The following RPS6KC1 variants were observed in gnomAD, a reference collection of about 807,000 sequenced individuals.
RPS6KC1 encodes the protein inactive ribosomal protein S6 kinase delta-1.
Under a neutral mutation model 103.8 loss-of-function variants are expected in RPS6KC1, and 54 were observed. The ratio of observed to expected loss-of-function variants is 0.52; its 90% CI spans 0.42 to 0.65. The LOEUF is 0.65. Ranked by LOEUF, RPS6KC1 falls within the 30% of genes least tolerant of loss-of-function variation. The pLI, the probability that RPS6KC1 is intolerant of heterozygous loss-of-function variation, is 0.00. For synonymous variants in RPS6KC1, 439 were observed against 438.7 expected, an observed-to-expected ratio of 1.00 and a Z score of -0.01; for missense variants, 1,151 against 1,253.8, an observed-to-expected ratio of 0.92 and a Z score of 1.24.
chr1:213,433,332 C>G, the RPS6KC1 span, among the ~76,000 whole-genome samples: 2 of 152,222 alleles, frequency 1.3e-5, no homozygotes, highest in Non-Finnish European at 2.9e-5. Context: ...GGATAATTTT[C>G]TCACATCAAA....
chr1:213,522,581 T>G, the RPS6KC1 span, among the ~76,000 whole-genome samples: 1 of 152,258 alleles, frequency 6.6e-6, no homozygotes, highest in African/African-American at 2.4e-5. Flanking sequence ...TTATATACAT[T>G]GAAAATCTTT....
chr1:213,182,817 AAGTG>A (rs1199306164), intron 8 of RPS6KC1, among the ~76,000 whole-genome samples: 3 of 148,254 alleles, frequency 2.0e-5, no homozygotes, highest in South Asian at 2.1e-4. Context: ...CACATGTTTG[AAGTG>A]AGTTTCTTAT....
At chr1:213,222,199 C>G (rs1267411544) in intron 8 of RPS6KC1, among the ~76,000 whole-genome samples, 1 of 152,118 alleles carries the variant, frequency 6.6e-6, no homozygotes, top group Non-Finnish European at 1.5e-5. Flanking sequence ...TCATGATAAT[C>G]TGCTATGTGG....
chr1:213,125,140 A>G (rs187215932), intron 5 of RPS6KC1, among the ~76,000 whole-genome samples: 88 of 152,220 alleles, frequency 5.8e-4, no homozygotes, highest in African/African-American at 2.0e-3. Context: ...GTATATTATT[A>G]AATTCTATAT....
the RPS6KC1 span, among the ~76,000 whole-genome samples, chr1:213,776,981 C>T: frequency 6.6e-6 from 1 of 152,128 alleles, no homozygotes; most frequent in Admixed American, 6.5e-5. Flanking sequence ...TCTTCCTAGC[C>T]ACTCTCAGCT....
At chr1:213,796,755 G>A in the RPS6KC1 span, among the ~76,000 whole-genome samples, 2 of 152,158 alleles carry the variant, frequency 1.3e-5, no homozygotes, top group Middle Eastern at 3.2e-3. Context: ...TCAAACAGCT[G>A]TAATAAAAGT....
At chr1:213,193,808 TG>T (rs2092840502) in intron 8 of RPS6KC1, among the ~76,000 whole-genome samples, 1 of 151,884 alleles carries the variant, frequency 6.6e-6, no homozygotes, top group South Asian at 2.1e-4. Context: ...TTGCATTTTT[TG>T]TAGATATGGG....
chr1:213,416,119 C>G, the RPS6KC1 span, among the ~76,000 whole-genome samples: 6 of 152,208 alleles, frequency 3.9e-5, no homozygotes. Flanking sequence ...GCCGGGGGAT[C>G]TCCCAGGCTC....
the RPS6KC1 span, among the ~76,000 whole-genome samples, chr1:213,769,183 G>A: frequency 1.9e-4 from 29 of 152,170 alleles, no homozygotes; most frequent in Non-Finnish European, 3.7e-4. Context: ...GATGAAAACT[G>A]AAGGGAAGGA....
chr1:213,473,451 G>C, the RPS6KC1 span, among the ~76,000 whole-genome samples: 7 of 152,334 alleles, frequency 4.6e-5, no homozygotes, highest in African/African-American at 1.7e-4. Context: ...CCAATGTGAG[G>C]GGGGTGAGAT....
chr1:213,266,672 C>T (rs1053964585), intron 14 of RPS6KC1, among the ~76,000 whole-genome samples: 8 of 151,934 alleles, frequency 5.3e-5, no homozygotes, highest in Non-Finnish European at 1.2e-4. Context: ...TTTGGGAGGC[C>T]GAGGCGGGTG....
At chr1:213,251,619 T>C (rs187987525) in intron 12 of RPS6KC1, among the ~76,000 whole-genome samples, 2 of 152,330 alleles carry the variant, frequency 1.3e-5, no homozygotes, top group East Asian at 3.9e-4. Context: ...CTGCTGAGTA[T>C]GCTTTAGATA....
chr1:213,178,838 C>T (rs1350071133), intron 8 of RPS6KC1, among the ~76,000 whole-genome samples: 1 of 151,946 alleles, frequency 6.6e-6, no homozygotes, highest in African/African-American at 2.4e-5. Context: ...TCTCAGCCTC[C>T]TGAGTAGCTG....
chr1:213,569,540 T>G, the RPS6KC1 span, among the ~76,000 whole-genome samples: 2 of 152,214 alleles, frequency 1.3e-5, no homozygotes, highest in Non-Finnish European at 2.9e-5. Context: ...ACTCATTTTG[T>G]GTATCCAGGG....
At chr1:213,754,490 G>A in the RPS6KC1 span, among the ~76,000 whole-genome samples, 1 of 152,196 alleles carries the variant, frequency 6.6e-6, no homozygotes, top group African/African-American at 2.4e-5. Flanking sequence ...GTTCTCACAA[G>A]TGGTTTATGT....
chr1:213,202,076 GA>G (rs2093183846), intron 8 of RPS6KC1, among the ~76,000 whole-genome samples: 2 of 152,126 alleles, frequency 1.3e-5, no homozygotes, highest in South Asian at 4.1e-4. Flanking sequence ...TAAAAAACCT[GA>G]AGCCAGAGAG....
the RPS6KC1 span, among the ~76,000 whole-genome samples, chr1:213,554,323 TG>T: frequency 6.6e-6 from 1 of 152,178 alleles, no homozygotes; most frequent in Non-Finnish European, 1.5e-5. Context: ...GAAGATCACA[TG>T]GTTATCAGTG....
At chr1:213,512,942 G>T in the RPS6KC1 span, among the ~76,000 whole-genome samples, 5 of 152,136 alleles carry the variant, frequency 3.3e-5, no homozygotes, top group African/African-American at 1.2e-4. Context: ...TCTTTGATCT[G>T]TTTTTTACCT....
At chr1:213,439,533 TGA>T in the RPS6KC1 span, among the ~76,000 whole-genome samples, 1 of 152,112 alleles carries the variant, frequency 6.6e-6, no homozygotes, top group East Asian at 1.9e-4. Context: ...AAACAGATAC[TGA>T]GAGAGGTTGA....
Sources: gnomAD v4.1 joint callset for allele counts (sites outside exome capture counted in the v4.1 genomes callset) on GRCh38, gnomAD v4.1.1 for gene constraint, MANE v1.5 for transcripts, NCBI Gene and HGNC (gene_info 2026-07-23, HGNC 2026-07-21) for gene names.